The following FAM171A1 variants were observed in gnomAD, a reference collection of about 807,000 sequenced individuals.
FAM171A1 encodes the protein protein FAM171A1.
A neutral mutation model predicts 74.9 loss-of-function variants in FAM171A1; 23 were observed. That is an observed-to-expected ratio of 0.31 (90% confidence interval 0.22 to 0.44). FAM171A1 has a LOEUF of 0.44. Ranked by LOEUF, FAM171A1 falls within the 20% of genes least tolerant of loss-of-function variation. The pLI is 1.00. For missense variants in FAM171A1, 1,162 were observed against 1,159.2 expected, an observed-to-expected ratio of 1.00 and a Z score of -0.03; for synonymous variants, 527 against 505.7, an observed-to-expected ratio of 1.04 and a Z score of -0.57.
chr10:15,329,436 T>C (rs6602838), intron 1 of FAM171A1, among the ~76,000 whole-genome samples: 150,015 of 152,218 alleles, frequency 0.99, 73,950 homozygotes, highest in East Asian at 1. Context: ...ACTGCTTGAG[T>C]GCCCAGGAGT....
At chr10:15,229,037 T>C (rs948510228) in intron 5 of FAM171A1, among the ~76,000 whole-genome samples, 1 of 152,228 alleles carries the variant, frequency 6.6e-6, no homozygotes, top group African/African-American at 2.4e-5. Context: ...CTACTAGGTC[T>C]ATAAGCTGGG....
chr10:15,302,632 T>G (rs1347666866), intron 1 of FAM171A1, among the ~76,000 whole-genome samples: 1 of 152,134 alleles, frequency 6.6e-6, no homozygotes, highest in Non-Finnish European at 1.5e-5. Context: ...TTTGTTTGTT[T>G]TTATAGCACT....
At chr10:15,289,000 T>G (rs1474853444) in intron 1 of FAM171A1, among the ~76,000 whole-genome samples, 1 of 152,074 alleles carries the variant, frequency 6.6e-6, no homozygotes, top group Non-Finnish European at 1.5e-5. Flanking sequence ...TTTTGTATTT[T>G]TAGTGGAGAC....
chr10:15,277,008 C>CT (rs1252340258), intron 2 of FAM171A1, among the ~76,000 whole-genome samples: 2 of 152,254 alleles, frequency 1.3e-5, no homozygotes, highest in Admixed American at 6.5e-5. Context: ...TTTTCAAACT[C>CT]TTGCTTAAGT....
chr10:15,224,246 T>A (rs1326805663), intron 5 of FAM171A1, among the ~76,000 whole-genome samples: 1 of 151,962 alleles, frequency 6.6e-6, no homozygotes, highest in Non-Finnish European at 1.5e-5. Context: ...CAGGGATCAG[T>A]GTGTACAAAG....
chr10:15,294,815 A>C (rs550267073), intron 1 of FAM171A1, among the ~76,000 whole-genome samples: 1 of 152,362 alleles, frequency 6.6e-6, no homozygotes, highest in South Asian at 2.1e-4. Context: ...ATTAGGGTGC[A>C]TAATTTACAG....
At chr10:15,295,311 T>C (rs112906985) in intron 1 of FAM171A1, among the ~76,000 whole-genome samples, 1,776 of 152,314 alleles carry the variant, frequency 0.012, 35 homozygotes, top group African/African-American at 0.04. Context: ...AACGATAGGA[T>C]GCATTTAGTT....
intron 1 of FAM171A1, among the ~76,000 whole-genome samples, chr10:15,346,139 C>T (rs1352285901): frequency 6.6e-6 from 1 of 152,176 alleles, no homozygotes; most frequent in Non-Finnish European, 1.5e-5. Context: ...GTTGTCTTGT[C>T]ACCTAGGCTG....
intron 1 of FAM171A1, among the ~76,000 whole-genome samples, chr10:15,335,655 G>C (rs1260964495): frequency 6.6e-6 from 1 of 152,176 alleles, no homozygotes; most frequent in Non-Finnish European, 1.5e-5. Flanking sequence ...TTGATTCACA[G>C]CCTGAAAGTG....
intron 1 of FAM171A1, among the ~76,000 whole-genome samples, chr10:15,302,896 G>A (rs1835249019): frequency 6.6e-6 from 1 of 152,160 alleles, no homozygotes; most frequent in Non-Finnish European, 1.5e-5. Flanking sequence ...ACCTTAAAAT[G>A]TCTTGATTAA....
intron 1 of FAM171A1, among the ~76,000 whole-genome samples, chr10:15,290,169 A>C (rs1835086592): frequency 6.6e-6 from 1 of 151,696 alleles, no homozygotes; most frequent in African/African-American, 2.4e-5. Context: ...CAGAGGTTGC[A>C]GTGAACCGAG....
chr10:15,363,414 G>A (rs1458715704), intron 1 of FAM171A1, among the ~76,000 whole-genome samples: 2 of 152,150 alleles, frequency 1.3e-5, no homozygotes, highest in Admixed American at 1.3e-4. Context: ...ACATGGAGTG[G>A]AAATCAGCAG....
chr10:15,341,708 G>T (rs921457487), intron 1 of FAM171A1, among the ~76,000 whole-genome samples: 1 of 152,234 alleles, frequency 6.6e-6, no homozygotes, highest in Non-Finnish European at 1.5e-5. Context: ...AGAGTATGCA[G>T]AGCTGGAGAT....
At chr10:15,343,448 T>G (rs922272552) in intron 1 of FAM171A1, among the ~76,000 whole-genome samples, 1 of 152,164 alleles carries the variant, frequency 6.6e-6, no homozygotes, top group Non-Finnish European at 1.5e-5. Context: ...CCTAGAACAG[T>G]GCTTGGATCA....
intron 1 of FAM171A1, among the ~76,000 whole-genome samples, chr10:15,333,257 G>A (rs967853132): frequency 2.6e-5 from 4 of 152,246 alleles, no homozygotes; most frequent in Admixed American, 2.0e-4. Flanking sequence ...ACTTTGGGAG[G>A]CCGAGGCGGG....
In FAM171A1 at chr10:15,370,246, T is replaced by C. The variant is rs1005132364; in HGVS notation, c.97+710A>G. Among the ~76,000 whole-genome samples, 101 of 150,126 alleles carry C rather than the reference T, an allele frequency of 6.7e-4. 1 individual carries two copies. The highest frequency in any genetic ancestry group is 1.8e-3 in the African/African-American group (72 of 41,054). On this transcript the variant is annotated intron_variant, in intron 1 of 7. Transcript: ENST00000378116. The stretch of plus-strand genomic sequence containing the variant: ...TGATCTGGAAAGGATTTTTCTTTTT[T>C]TTTTTTTTTTTTTTGGTGAGCGATG...
intron 4 of FAM171A1, among the ~76,000 whole-genome samples, chr10:15,249,142 G>C (rs962705795): frequency 3.3e-5 from 5 of 149,310 alleles, no homozygotes; most frequent in African/African-American, 4.9e-5. Flanking sequence ...CGTTGCCCAG[G>C]CTGGAGTGCG....
At chr10:15,270,507 T>A (rs1196227770) in intron 3 of FAM171A1, among the ~76,000 whole-genome samples, 3 of 152,164 alleles carry the variant, frequency 2.0e-5, no homozygotes, top group Non-Finnish European at 4.4e-5. Flanking sequence ...AACGTCCCTG[T>A]TTGACAGCTC....
intron 1 of FAM171A1, among the ~76,000 whole-genome samples, chr10:15,361,160 T>C (rs1835988911): frequency 6.6e-6 from 1 of 152,202 alleles, no homozygotes; most frequent in Non-Finnish European, 1.5e-5. Context: ...TAGCAAATGT[T>C]ACTTATAATA....
Sources: gnomAD v4.1 joint callset for allele counts (sites outside exome capture counted in the v4.1 genomes callset) on GRCh38, gnomAD v4.1.1 for gene constraint, MANE v1.5 for transcripts, NCBI Gene and HGNC (gene_info 2026-07-23, HGNC 2026-07-21) for gene names.